Variants in MTMR3 observed in about 807,000 individuals in gnomAD.
MTMR3 encodes the protein myotubularin related protein 3, also known as phosphatidylinositol-3,5-bisphosphate 3-phosphatase MTMR3.
Under a neutral mutation model 132.4 loss-of-function variants are expected in MTMR3, and 32 were observed. The observed-to-expected ratio is 0.24, with a 90% confidence interval of 0.18 to 0.32. MTMR3 has a LOEUF of 0.32. Ranked by LOEUF, MTMR3 falls within the 10% of genes least tolerant of loss-of-function variation. The probability of loss-of-function intolerance (pLI) is 1.00; values close to 1 mark genes in which losing one functional copy is unlikely to be tolerated. For missense variants in MTMR3, 1,216 were observed against 1,489.6 expected (o/e 0.82, Z 3.02); for synonymous variants, 556 against 550.3 (o/e 1.01, Z -0.14).
At chr22:29,915,923 A>G (rs534373163) in intron 1 of MTMR3, among the ~76,000 whole-genome samples, 13 of 149,844 alleles carry the variant, frequency 8.7e-5, no homozygotes, top group East Asian at 3.9e-4. Flanking sequence ...TATTTGTTCT[A>G]TTTTTCTCTG....
At chr22:30,020,924 G>A in intron 17 of MTMR3, 40 bp downstream of exon 17, 4 of 1,523,144 alleles carry the variant, frequency 2.6e-6, no homozygotes, top group Non-Finnish European at 3.5e-6. Flanking sequence ...TGCCCAAGGA[G>A]ACGGCATGCT....
intron 1 of MTMR3, among the ~76,000 whole-genome samples, chr22:29,883,701 C>G (rs959961690): frequency 3.3e-5 from 5 of 152,164 alleles, no homozygotes; most frequent in African/African-American, 1.2e-4. Context: ...CCTCGGAGCG[C>G]CCGGAGTTAT....
At chr22:29,991,743 A>G (rs2066965550) in intron 7 of MTMR3, 73 bp downstream of exon 7, 1 of 1,430,744 alleles carries the variant, frequency 7.0e-7, no homozygotes, top group Non-Finnish European at 9.3e-7. Context: ...TTAACATGAA[A>G]TGGGACACCT....
At chr22:30,013,614 A>G in intron 14 of MTMR3, 73 bp downstream of exon 14, 1 of 1,412,904 alleles carries the variant, frequency 7.1e-7, no homozygotes, top group Non-Finnish European at 9.8e-7. Flanking sequence ...GCCAGTTCTC[A>G]CATGAAACTG....
intron 9 of MTMR3, chr22:30,006,000 C>T (rs2067266690): frequency 6.6e-6 from 1 of 152,164 alleles, no homozygotes; most frequent in Non-Finnish European, 1.5e-5. Context: ...TATAGATTCG[C>T]CTATTCTGGA....
intron 1 of MTMR3, among the ~76,000 whole-genome samples, chr22:29,888,302 C>A (rs939055638): frequency 6.6e-6 from 1 of 152,140 alleles, no homozygotes; most frequent in Non-Finnish European, 1.5e-5. Context: ...CTGCTTTGGC[C>A]TCCCAAAGTG....
At chr22:29,920,379 G>A (rs900518611) in intron 1 of MTMR3, among the ~76,000 whole-genome samples, 5 of 152,028 alleles carry the variant, frequency 3.3e-5, no homozygotes, top group African/African-American at 1.2e-4. Flanking sequence ...TCTGTAATAG[G>A]CTACAGAACA....
chr22:29,975,447 C>T (rs896865845), intron 3 of MTMR3, among the ~76,000 whole-genome samples: 21 of 152,154 alleles, frequency 1.4e-4, no homozygotes, highest in Admixed American at 2.6e-4. Flanking sequence ...CTTCGGCATT[C>T]AGTCCGTTAC....
rs183063722 is a variant in MTMR3 at position 29,956,242 on chromosome 22, C to A, written c.-137-794C>A. On this transcript the variant is annotated intron_variant, in intron 1 of 19. Coordinates refer to ENST00000401950, the MANE Select transcript of MTMR3 (RefSeq NM_021090.4). ...TTGTTGCCTACTGGTGACAAGAATT[C>A]TTTGTTTTTGTTTTGTTTTTTTGAG... 6.7e-3 allele frequency among the ~76,000 whole-genome samples: 1,023 copies of A among 152,056 alleles called. 7 individuals carry two copies. The highest frequency in any genetic ancestry group is 0.011 in the Non-Finnish European group (731 of 67,926).
chr22:29,892,890 T>C (rs1419354580), intron 1 of MTMR3, among the ~76,000 whole-genome samples: 2 of 152,262 alleles, frequency 1.3e-5, no homozygotes, highest in Non-Finnish European at 2.9e-5. Context: ...ATGTATAAGC[T>C]ACTTTCACAT....
intron 1 of MTMR3, among the ~76,000 whole-genome samples, chr22:29,954,959 C>T (rs142970576): frequency 1.3e-5 from 2 of 152,236 alleles, no homozygotes; most frequent in African/African-American, 4.8e-5. Context: ...ACAACTTGCT[C>T]TGCTTCCTTT....
At chr22:29,978,103 G>A (rs776790132) in intron 3 of MTMR3, 5 of 171,108 alleles carry the variant, frequency 2.9e-5, no homozygotes, top group East Asian at 1.5e-4. Context: ...TTACACCACC[G>A]CACTACCTGT....
chr22:29,927,708 T>G (rs1009418417), intron 1 of MTMR3, among the ~76,000 whole-genome samples: 2 of 151,886 alleles, frequency 1.3e-5, no homozygotes, highest in Non-Finnish European at 2.9e-5. Flanking sequence ...ACAGCAACAC[T>G]TGTGAGAAAT....
chr22:29,905,729 T>C (rs1455128291), intron 1 of MTMR3, among the ~76,000 whole-genome samples: 1 of 152,230 alleles, frequency 6.6e-6, no homozygotes, highest in Non-Finnish European at 1.5e-5. Context: ...TTTTATGTAT[T>C]CGGTGTTTTT....
intron 1 of MTMR3, among the ~76,000 whole-genome samples, chr22:29,936,298 T>TTGCA: frequency 6.6e-6 from 1 of 152,340 alleles, no homozygotes; most frequent in Admixed American, 6.5e-5. Context: ...TTTTAGGTAG[T>TTGCA]TGCAGACTCA....
At chr22:30,013,219 C>A (rs1295549276) in intron 13 of MTMR3, 137 bp from the exon 14 acceptor site, 7 of 740,914 alleles carry the variant, frequency 9.4e-6, no homozygotes, top group Non-Finnish European at 1.5e-5. Flanking sequence ...AGGGATAGAG[C>A]CTTCCACCAA....
At chr22:29,996,938 T>A (rs1442712801) in intron 7 of MTMR3, 1 of 152,212 alleles carries the variant, frequency 6.6e-6, no homozygotes, top group African/African-American at 2.4e-5. Flanking sequence ...GTTGACCAGA[T>A]GTTGCCCAGG....
chr22:30,021,294 G>A (rs982822071), intron 17 of MTMR3: 2 of 192,878 alleles, frequency 1.0e-5, no homozygotes, highest in African/African-American at 2.3e-5. Flanking sequence ...CCTTCCAGAC[G>A]TGGGCTATGG....
chr22:29,999,668 A>G (rs1425903100), intron 8 of MTMR3: 1 of 152,220 alleles, frequency 6.6e-6, no homozygotes, highest in African/African-American at 2.4e-5. Context: ...CCTTTAATAT[A>G]TTGATCTAAA....
Sources: gnomAD v4.1 joint callset for allele counts (sites outside exome capture counted in the v4.1 genomes callset) on GRCh38, gnomAD v4.1.1 for gene constraint, MANE v1.5 for transcripts, NCBI Gene and HGNC (gene_info 2026-07-23, HGNC 2026-07-21) for gene names.